The following KCNMA1 variants were observed in gnomAD, a reference collection of about 807,000 sequenced individuals.
The protein encoded by KCNMA1 is Calcium-activated potassium channel subunit alpha-1.
KCNMA1 carries 29 observed loss-of-function variants against 140.0 expected under a neutral mutation model. That is an observed-to-expected ratio of 0.21 (90% confidence interval 0.15 to 0.28). The LOEUF (loss-of-function observed/expected upper bound fraction) is 0.28. Among genes scored for constraint, KCNMA1 ranks in the 10% least tolerant of loss-of-function variants. The pLI, the probability that KCNMA1 is intolerant of heterozygous loss-of-function variation, is 1.00. For synonymous variants in KCNMA1, 612 were observed against 611.9 expected (o/e 1.00, Z 0.00); for missense variants, 880 against 1,602.2 (o/e 0.55, Z 7.70).
intron 7 of KCNMA1, among the ~76,000 whole-genome samples, chr10:77,111,038 C>A (rs913908012): frequency 6.6e-6 from 1 of 152,180 alleles, no homozygotes; most frequent in African/African-American, 2.4e-5. Context: ...GTTTTGTGGG[C>A]GACACAGGTC....
At chr10:77,382,430 TGGA>T (rs1266184415) in intron 2 of KCNMA1, among the ~76,000 whole-genome samples, 1 of 152,158 alleles carries the variant, frequency 6.6e-6, no homozygotes, top group Non-Finnish European at 1.5e-5. Flanking sequence ...AGTTTGTAAT[TGGA>T]GGAGAAGAGC....
At chr10:77,026,319 C>T (rs981725515) in intron 16 of KCNMA1, among the ~76,000 whole-genome samples, 2 of 152,206 alleles carry the variant, frequency 1.3e-5, no homozygotes, top group African/African-American at 2.4e-5. Flanking sequence ...CACATCATGA[C>T]ATTTTTTTTT....
intron 3 of KCNMA1, among the ~76,000 whole-genome samples, chr10:77,213,053 T>G (rs1286779925): frequency 6.6e-6 from 1 of 152,188 alleles, no homozygotes; most frequent in East Asian, 1.9e-4. Flanking sequence ...TATCGTTTAT[T>G]TCTGCAATTG....
At chr10:77,056,398 C>CAAT (rs1307817932) in intron 14 of KCNMA1, among the ~76,000 whole-genome samples, 1 of 151,396 alleles carries the variant, frequency 6.6e-6, no homozygotes, top group Non-Finnish European at 1.5e-5. Context: ...ATAATAATAA[C>CAAT]AATAATAATA....
chr10:77,477,014 G>A (rs761148918), intron 1 of KCNMA1, among the ~76,000 whole-genome samples: 11 of 152,156 alleles, frequency 7.2e-5, no homozygotes, highest in East Asian at 1.9e-4. Flanking sequence ...AAACAAAAAC[G>A]AAAACCAGCA....
At chr10:76,908,489 G>A (rs2048725670) in intron 25 of KCNMA1, among the ~76,000 whole-genome samples, 3 of 152,176 alleles carry the variant, frequency 2.0e-5, no homozygotes, top group Non-Finnish European at 4.4e-5. Context: ...AGATATGCTT[G>A]CAGTTGGACA....
intron 20 of KCNMA1, among the ~76,000 whole-genome samples, chr10:76,958,414 A>G (rs1294513254): frequency 6.6e-6 from 1 of 152,218 alleles, no homozygotes. Flanking sequence ...GCCAATGTAC[A>G]TGCCCTATTT....
intron 1 of KCNMA1, among the ~76,000 whole-genome samples, chr10:77,491,504 G>A (rs959645236): frequency 6.6e-6 from 1 of 152,170 alleles, no homozygotes; most frequent in Non-Finnish European, 1.5e-5. Flanking sequence ...CGCCCTCCAA[G>A]ATTCTTCAAA....
chr10:77,622,783 T>A (rs966740733), intron 1 of KCNMA1, among the ~76,000 whole-genome samples: 11 of 152,220 alleles, frequency 7.2e-5, no homozygotes, highest in African/African-American at 2.4e-4. Context: ...TTTGTTCTGA[T>A]TTTTTTTCCC....
chr10:77,571,752 G>A (rs1191101603), intron 1 of KCNMA1, among the ~76,000 whole-genome samples: 4 of 152,102 alleles, frequency 2.6e-5, no homozygotes, highest in Non-Finnish European at 4.4e-5. Context: ...AGCCTGACAC[G>A]CCCTCAATCT....
intron 14 of KCNMA1, among the ~76,000 whole-genome samples, chr10:77,068,861 AC>A (rs2096068786): frequency 6.3e-4 from 1 of 1,596 alleles, no homozygotes; most frequent in Non-Finnish European, 2.3e-3. Context: ...AAACACACAC[AC>A]ACACACACAC....
chr10:77,138,543 T>C (rs1389763582), intron 5 of KCNMA1, among the ~76,000 whole-genome samples: 1 of 152,194 alleles, frequency 6.6e-6, no homozygotes, highest in African/African-American at 2.4e-5. Flanking sequence ...GTCTTCCTGC[T>C]TCACTTCTCT....
chr10:76,927,538 G>A (rs2058070458), intron 23 of KCNMA1, among the ~76,000 whole-genome samples: 1 of 152,166 alleles, frequency 6.6e-6, no homozygotes, highest in South Asian at 2.1e-4. Flanking sequence ...ATTAAAGAAA[G>A]ACAATGGATA....
At chr10:77,504,775 T>A (rs1206422472) in intron 1 of KCNMA1, among the ~76,000 whole-genome samples, 1 of 152,166 alleles carries the variant, frequency 6.6e-6, no homozygotes, top group Non-Finnish European at 1.5e-5. Context: ...GAAGCTTCTT[T>A]AAATTGTTGC....
intron 4 of KCNMA1, 33 bp from the exon 5 acceptor site, chr10:77,183,565 A>G: frequency 6.9e-7 from 1 of 1,446,936 alleles, no homozygotes; most frequent in Non-Finnish European, 9.7e-7. Context: ...AAGAGAAAAA[A>G]CATGAGAAGC....
intron 2 of KCNMA1, among the ~76,000 whole-genome samples, chr10:77,295,577 C>T (rs1281004117): frequency 1.3e-5 from 2 of 150,092 alleles, no homozygotes; most frequent in African/African-American, 4.9e-5. Context: ...GTCAGGAGAT[C>T]GAGACCATTC....
At chr10:77,117,510 A>G (rs1390346247) in intron 6 of KCNMA1, among the ~76,000 whole-genome samples, 1 of 132,726 alleles carries the variant, frequency 7.5e-6, no homozygotes, top group East Asian at 2.7e-4. Flanking sequence ...GATCACGCCC[A>G]GCCTGGACAA....
chr10:77,230,703 C>A lies in KCNMA1; in HGVS notation c.602+20492G>T, dbSNP rs1342263150. ...AAGAACAATATTGAGAGAAATAATTCTTTCTCAAGTGTAACTGAGAGCCTC... is the reference window on the plus strand; with the variant it reads ...AAGAACAATATTGAGAGAAATAATTATTTCTCAAGTGTAACTGAGAGCCTC... On this transcript the variant is annotated intron_variant, in intron 3 of 27. Transcript: ENST00000286628. Among the ~76,000 whole-genome samples, 4 of 152,278 alleles carry A rather than the reference C, an allele frequency of 2.6e-5. No homozygotes were observed. The East Asian group carries it at 5.8e-4, about 22-fold the overall frequency.
At chr10:77,007,671 A>ATATATATATATATATATATC (rs1565504676) in intron 18 of KCNMA1, among the ~76,000 whole-genome samples, 1 of 141,374 alleles carries the variant, frequency 7.1e-6, no homozygotes, top group African/African-American at 2.6e-5. Context: ...ATATATATAT[A>ATATATATATATATATATATC]TATATGTATC....
Sources: allele counts gnomAD v4.1 joint callset (sites outside exome capture counted in the v4.1 genomes callset), GRCh38; gene constraint gnomAD v4.1.1; transcripts MANE v1.5; gene names NCBI Gene and HGNC (gene_info 2026-07-23, HGNC 2026-07-21).